The following OXSR1 variants were observed in gnomAD, a reference collection of about 807,000 sequenced individuals.
OXSR1 encodes oxidative stress responsive kinase 1, also known as serine/threonine-protein kinase OSR1.
A neutral mutation model predicts 79.8 loss-of-function variants in OXSR1; 24 were observed. The ratio of observed to expected loss-of-function variants is 0.30; its 90% confidence interval spans 0.22 to 0.42. The LOEUF (loss-of-function observed/expected upper bound fraction) is 0.42. Ranked by LOEUF, OXSR1 falls within the 10% of genes least tolerant of loss-of-function variation. The probability of loss-of-function intolerance (pLI) is 1.00; values close to 1 mark genes in which losing one functional copy is unlikely to be tolerated. For missense variants in OXSR1, 430 were observed against 618.4 expected, an observed-to-expected ratio of 0.70 and a Z score of 3.23; for synonymous variants, 226 against 209.2, an observed-to-expected ratio of 1.08 and a Z score of -0.69.
upstream of OXSR1, chr3:38,165,051 A>G (rs974636332): frequency 3.9e-5 from 6 of 152,222 alleles, no homozygotes; most frequent in African/African-American, 1.4e-4. Flanking sequence ...ACGTCACTCC[A>G]GAGGAAGTGG....
At chr3:38,178,620 ATTTTTTTTTTT>A (rs71085303) in intron 1 of OXSR1, among the ~76,000 whole-genome samples, 1 of 95,104 alleles carries the variant, frequency 1.1e-5, no homozygotes, top group Non-Finnish European at 2.0e-5. Flanking sequence ...ATATATATAT[ATTTTTTTTTTT>A]TTTTTTTTTT....
At chr3:38,191,886 A>G (rs1416009911) in intron 3 of OXSR1, among the ~76,000 whole-genome samples, 1 of 152,114 alleles carries the variant, frequency 6.6e-6, no homozygotes, top group African/African-American at 2.4e-5. Context: ...TTACGGCATC[A>G]TTTCTTTTAT....
chr3:38,224,338 C>G (rs36028686), intron 7 of OXSR1, among the ~76,000 whole-genome samples: 2 of 152,198 alleles, frequency 1.3e-5, no homozygotes, highest in African/African-American at 4.8e-5. Flanking sequence ...CTTTTTAAGG[C>G]TGAATAATAT....
intron 1 of OXSR1, among the ~76,000 whole-genome samples, chr3:38,170,227 G>A (rs1038746788): frequency 6.6e-6 from 1 of 151,844 alleles, no homozygotes; most frequent in Non-Finnish European, 1.5e-5. Flanking sequence ...TGTATTTTTA[G>A]TAGAGACTGG....
chr3:38,226,009 C>T (rs1236266515), intron 8 of OXSR1, among the ~76,000 whole-genome samples: 1 of 152,124 alleles, frequency 6.6e-6, no homozygotes, highest in Non-Finnish European at 1.5e-5. Context: ...AGCCCTTCAA[C>T]CTGGACATTC....
upstream of OXSR1, among the ~76,000 whole-genome samples, chr3:38,164,185 G>T (rs1396092500): frequency 6.6e-6 from 1 of 152,140 alleles, no homozygotes; most frequent in Non-Finnish European, 1.5e-5. Context: ...CTTTTTCTGA[G>T]ACGGTGTCTC....
Position 38,165,964 on chromosome 3 carries a change from G to A in OXSR1, c.70+18G>A. On this transcript the variant is annotated intron_variant, in intron 1 of 17. Transcript: ENST00000311806. The stretch of plus-strand genomic sequence containing the variant: ...GGTGATCGGTGAGAGCAGGCGCTGC[G>A]GAGGGGGGAGGCGCGGCGCTGGGAG... 1 of 1,605,400 alleles carries A rather than the reference G, an allele frequency of 6.2e-7. No individual in the cohort carries two copies.
At chr3:38,226,662 C>T (rs1037306131) in intron 8 of OXSR1, among the ~76,000 whole-genome samples, 4 of 151,888 alleles carry the variant, frequency 2.6e-5, no homozygotes, top group African/African-American at 9.7e-5. Flanking sequence ...CCTCCAAATC[C>T]GTAACTTCGG....
chr3:38,196,181 C>T (rs772952105), intron 3 of OXSR1, among the ~76,000 whole-genome samples: 8 of 152,164 alleles, frequency 5.3e-5, no homozygotes, highest in Non-Finnish European at 8.8e-5. Context: ...ATACTACATA[C>T]GCGGTTATAA....
At chr3:38,189,634 C>T (rs1387475228) in intron 2 of OXSR1, among the ~76,000 whole-genome samples, 2 of 152,168 alleles carry the variant, frequency 1.3e-5, no homozygotes, top group Non-Finnish European at 2.9e-5. Context: ...AGGGCAGGTA[C>T]ATTAATAGGT....
chr3:38,181,650 T>G (rs905438187), intron 1 of OXSR1, among the ~76,000 whole-genome samples: 1 of 152,144 alleles, frequency 6.6e-6, no homozygotes, highest in Non-Finnish European at 1.5e-5. Flanking sequence ...ATGCCCGGCC[T>G]GTTTCAAAAG....
At chr3:38,223,742 C>G in intron 6 of OXSR1, 70 bp from the exon 7 acceptor site, 1 of 1,111,144 alleles carries the variant, frequency 9.0e-7, no homozygotes, top group Admixed American at 1.9e-5. Flanking sequence ...GAGCCTCCAC[C>G]CTGGCCAGAA....
intron 4 of OXSR1, among the ~76,000 whole-genome samples, chr3:38,208,006 G>A (rs553112009): frequency 6.7e-6 from 1 of 149,084 alleles, no homozygotes; most frequent in Non-Finnish European, 1.5e-5. Context: ...GTAGTCTGTG[G>A]CACTTTTTTC....
intron 14 of OXSR1, among the ~76,000 whole-genome samples, chr3:38,248,411 G>A (rs998314544): frequency 1.5e-5 from 2 of 134,868 alleles, no homozygotes; most frequent in African/African-American, 5.6e-5. Flanking sequence ...TATGGCTGTT[G>A]TATTGCTCTA....
At chr3:38,233,708 G>C (rs1373844280) in intron 10 of OXSR1, among the ~76,000 whole-genome samples, 1 of 151,960 alleles carries the variant, frequency 6.6e-6, no homozygotes, top group African/African-American at 2.4e-5. Flanking sequence ...GAGCTCAGGA[G>C]TTCTAGACCA....
chr3:38,207,138 C>T (rs1702281974), intron 4 of OXSR1, among the ~76,000 whole-genome samples: 1 of 152,180 alleles, frequency 6.6e-6, no homozygotes, highest in Non-Finnish European at 1.5e-5. Flanking sequence ...GTCACCACTA[C>T]TTTGTTTTTC....
chr3:38,248,121 C>A (rs1003948423), intron 14 of OXSR1, among the ~76,000 whole-genome samples: 2 of 152,004 alleles, frequency 1.3e-5, no homozygotes, highest in Non-Finnish European at 2.9e-5. Flanking sequence ...ATCAACTAAC[C>A]CAAGAGGGGA....
At chr3:38,234,629 T>A (rs1702881724) in intron 10 of OXSR1, among the ~76,000 whole-genome samples, 1 of 152,244 alleles carries the variant, frequency 6.6e-6, no homozygotes, top group African/African-American at 2.4e-5. Context: ...GGAACACTTC[T>A]GCACTGGTGA....
intron 12 of OXSR1, among the ~76,000 whole-genome samples, chr3:38,243,857 C>T (rs963059418): frequency 6.6e-6 from 1 of 152,146 alleles, no homozygotes; most frequent in Non-Finnish European, 1.5e-5. Flanking sequence ...AGGGGAATTG[C>T]GTTTTCCTGC....
Sources: allele counts gnomAD v4.1 joint callset (sites outside exome capture counted in the v4.1 genomes callset), GRCh38; gene constraint gnomAD v4.1.1; transcripts MANE v1.5; gene names NCBI Gene and HGNC (gene_info 2026-07-23, HGNC 2026-07-21).